Variants in ITM2A observed in about 807,000 individuals in gnomAD.
ITM2A encodes the protein integral membrane protein 2A, also known as BRICHOS domain containing 2A.
A neutral mutation model predicts 16.6 loss-of-function variants in ITM2A; 11 were observed. The observed-to-expected ratio is 0.66, with a 90% confidence interval of 0.42 to 1.10. The LOEUF (loss-of-function observed/expected upper bound fraction) is 1.10, where lower values mean the gene tolerates loss of function less well. Among genes scored for constraint, ITM2A ranks in the 50% least tolerant of loss-of-function variants. The pLI is 0.00. For synonymous variants in ITM2A, 102 were observed against 71.2 expected (o/e 1.43, Z -2.18); for missense variants, 243 against 206.8 (o/e 1.17, Z -1.07).
Position 79,367,194 on chromosome X carries a change from T to C in ITM2A, c.22A>G (p.Thr8Ala). 8.3e-7 allele frequency: 1 copy of C among 1,203,860 alleles called. No homozygotes were observed. The highest frequency in any genetic ancestry group is 1.8e-5 in the South Asian group (1 of 56,173). The stretch of plus-strand genomic sequence containing the variant: ...TCCTCCTTTTGCACGGCGGTAGGGG[T>C]ATTGAAGGCGATTTTCACCATAGTG... MVKIAFN[T>A]PTAVQKEEAR... The change falls in exon 1 of 6, where the codon ACC (threonine) becomes GCC (alanine). Residue 8 changes from threonine (T) to alanine (A), a missense_variant. By Grantham distance (58) the Thr-to-Ala change is moderately conservative (BLOSUM62 0). Coordinates refer to ENST00000373298, the MANE Select transcript of ITM2A (RefSeq NM_004867.5).
intron 4 of ITM2A, among the ~76,000 whole-genome samples, chrX:79,362,228 T>C (rs990301585): frequency 1.8e-5 from 2 of 111,227 alleles, no homozygotes; most frequent in African/African-American, 6.6e-5. Context: ...CCACTCTGAC[T>C]GGTGTGAGAT....
Position 79,367,283 on chromosome X carries a change from G to T in ITM2A, c.-68C>A. On this transcript the variant is annotated 5_prime_UTR_variant, in exon 1 of 6. Transcript: ENST00000373298. ...CGTCCTGGGCTGCAGACTGCAAGAG[G>T]AGATCCTGTTAGCCCAAACAGCACT... The T allele has an allele frequency of 1.4e-6, 1 of 721,364 alleles. No homozygotes were observed. 59.4% of individuals were successfully genotyped at this position (721,364 alleles called of 1,213,427 possible). A position where few individuals can be genotyped will look rare whatever the true frequency, so the allele number is the denominator to read the frequency against.
At chrX:79,366,248 T>G (rs1369153777) in intron 1 of ITM2A, among the ~76,000 whole-genome samples, 1 of 111,601 alleles carries the variant, frequency 9.0e-6, no homozygotes, top group Non-Finnish European at 1.9e-5. Flanking sequence ...TCAAAGCTAG[T>G]AGTTTAAATT....
At position 79,360,946 on chromosome X, in the gene ITM2A, G is replaced by GT. The variant is rs60175547; in HGVS notation, c.*142dup. ...TGACAAGAGCTTGCAGTGGTTAGTA[G>GT]TTTTTTTTTTTCCTTTTTTTAAAGC... is the stretch of plus-strand genomic sequence containing the variant. On this transcript the variant is annotated 3_prime_UTR_variant, in exon 6 of 6. Coordinates refer to ENST00000373298, the MANE Select transcript of ITM2A (RefSeq NM_004867.5). The GT allele has an allele frequency of 0.48, 117,935 of 243,669 alleles. 17,711 individuals are homozygous for GT. The highest frequency in any genetic ancestry group is 0.58 in the Non-Finnish European group (79,393 of 137,996). 20.1% of individuals were successfully genotyped at this position (243,669 alleles called of 1,213,427 possible). A position where few individuals can be genotyped will look rare whatever the true frequency, so the allele number is the denominator to read the frequency against.
Position 79,360,960 on chromosome X carries a change from T to C in ITM2A, c.*129A>G, listed in dbSNP as rs78209439. 1.3e-5 allele frequency: 4 copies of C among 310,812 alleles called. No homozygotes were observed. The highest frequency in any genetic ancestry group is 5.9e-5 in the African/African-American group (2 of 33,875). The allele number at this position is 310,812 out of a possible 1,213,427, so 25.6% of individuals were successfully genotyped here. A position where few individuals can be genotyped will look rare whatever the true frequency, so the allele number is the denominator to read the frequency against. On this transcript the variant is annotated 3_prime_UTR_variant, in exon 6 of 6. Transcript: ENST00000373298. Reference sequence around the variant, plus strand: ...AGTGGTTAGTAGTTTTTTTTTTTCCTTTTTTTAAAGCATAAGCAATAGAGT... The same window carrying C: ...AGTGGTTAGTAGTTTTTTTTTTTCCCTTTTTTAAAGCATAAGCAATAGAGT...
intron 4 of ITM2A, 72 bp from the exon 5 acceptor site, chrX:79,361,551 G>C (rs1171754824): frequency 1.1e-6 from 1 of 914,929 alleles, no homozygotes; most frequent in Admixed American, 2.7e-5. Context: ...AGGAGTAAAA[G>C]TGCAAGTTTG....
chrX:79,362,838 A>G, intron 3 of ITM2A, 104 bp downstream of exon 3: 1 of 727,153 alleles, frequency 1.4e-6, no homozygotes, highest in Non-Finnish European at 2.1e-6. Context: ...CTTTGCCTCA[A>G]AAACATGTGC....
intron 4 of ITM2A, among the ~76,000 whole-genome samples, 176 bp downstream of exon 4, chrX:79,362,405 G>A (rs1925449064): frequency 9.0e-6 from 1 of 111,675 alleles, no homozygotes; most frequent in Non-Finnish European, 1.9e-5. Context: ...ACCAGATAAT[G>A]ACTGTAAAAA....
At chrX:79,366,259 AC>A (rs1359845451) in intron 1 of ITM2A, among the ~76,000 whole-genome samples, 3 of 111,770 alleles carry the variant, frequency 2.7e-5, no homozygotes, top group African/African-American at 9.8e-5. Context: ...AGTTTAAATT[AC>A]AACACTGGAC....
rs1473468280 is a variant in ITM2A, at chrX:79,361,483, A to G, written c.553-4T>C. 8.4e-7 allele frequency: 1 copy of G among 1,192,211 alleles called. No homozygotes were observed. The highest frequency in any genetic ancestry group is 1.8e-5 in the South Asian group (1 of 54,132). ...TTTGAGGCAGATATCTGCCACTCTA[A>G]AAATCAAAAGCAAAGATTGAAATGA... is the stretch of plus-strand genomic sequence containing the variant. On this transcript the variant is annotated splice_polypyrimidine_tract_variant and splice_region_variant and intron_variant, in intron 4 of 5. Coordinates refer to ENST00000373298, the MANE Select transcript of ITM2A (RefSeq NM_004867.5).
intron 1 of ITM2A, among the ~76,000 whole-genome samples, chrX:79,366,010 C>T (rs1925563721): frequency 8.9e-6 from 1 of 112,096 alleles, no homozygotes; most frequent in South Asian, 3.7e-4. Context: ...ACTTTGAACA[C>T]AGAAGTTAAA....
Position 79,361,395 on chromosome X carries a change from T to C in ITM2A, c.637A>G (p.Ile213Val). 1 of 1,208,041 alleles carries C rather than the reference T, an allele frequency of 8.3e-7. No homozygotes were observed. The highest frequency in any genetic ancestry group is 1.1e-6 in the Non-Finnish European group (1 of 892,015). The change falls in exon 5 of 6, where the codon ATC (isoleucine) becomes GTC (valine). Residue 213 changes from isoleucine (I) to valine (V), a missense_variant. Physicochemically the swap from Ile to Val is conservative, Grantham distance 29. Transcript: ENST00000373298. ...TTATTGCAAAGTTGGTAAATAAAGA[T>C]GCCAAGGTTACTAACATCACGAATT... ...EEIRDVSNLG[I>V]FIYQLCNNRK...
chrX:79,367,173 C>T lies in ITM2A; in HGVS notation c.43G>A (p.Glu15Lys). The T allele has an allele frequency of 8.3e-7, 1 of 1,209,611 alleles. No individual in the cohort carries two copies. The highest frequency in any genetic ancestry group is 1.1e-6 in the Non-Finnish European group (1 of 894,393). The stretch of plus-strand genomic sequence containing the variant: ...GCCTCCACGTCTTGCCGCGCCTCCT[C>T]CTTTTGCACGGCGGTAGGGGTATTG... ...AFNTPTAVQK[E>K]EARQDVEALL... Residue 15 changes from glutamate (E) to lysine (K), a missense_variant, in exon 1 of 6, where the codon GAG becomes AAG. Transcript: ENST00000373298.
At chrX:79,366,160 G>A (rs1161560094) in intron 1 of ITM2A, among the ~76,000 whole-genome samples, 1 of 111,178 alleles carries the variant, frequency 9.0e-6, no homozygotes. Flanking sequence ...TGAAAACATA[G>A]TAGGTGTTTA....
At chrX:79,366,964 A>G in intron 1 of ITM2A, 141 bp downstream of exon 1, 1 of 445,690 alleles carries the variant, frequency 2.2e-6, no homozygotes, top group Non-Finnish European at 3.8e-6. Flanking sequence ...GCAAGGAGAC[A>G]GAACCGAGGC....
intron 3 of ITM2A, 40 bp downstream of exon 3, chrX:79,362,901 GA>G (rs761514646): frequency 2.1e-5 from 22 of 1,025,705 alleles, no homozygotes; most frequent in South Asian, 8.0e-5. Context: ...GAGAGAGAGA[GA>G]AAAAAAATCC....
intron 4 of ITM2A, 74 bp from the exon 5 acceptor site, chrX:79,361,553 G>C: frequency 2.2e-6 from 2 of 918,889 alleles, no homozygotes; most frequent in Non-Finnish European, 3.1e-6. Flanking sequence ...GAGTAAAAGT[G>C]CAAGTTTGTT....
At chrX:79,365,993 T>C (rs1289117321) in intron 1 of ITM2A, among the ~76,000 whole-genome samples, 2 of 112,350 alleles carry the variant, frequency 1.8e-5, no homozygotes, top group African/African-American at 6.5e-5. Context: ...GGACTTTTTA[T>C]ATCTCCACTT....
At chrX:79,364,811 A>G (rs1243508466) in intron 1 of ITM2A, among the ~76,000 whole-genome samples, 2 of 111,400 alleles carry the variant, frequency 1.8e-5, no homozygotes, top group Non-Finnish European at 3.8e-5. Context: ...TTCCAAAAAT[A>G]TTTTTCTTTG....
Sources: gnomAD v4.1 joint callset for allele counts (sites outside exome capture counted in the v4.1 genomes callset) on GRCh38, gnomAD v4.1.1 for gene constraint, MANE v1.5 for transcripts, NCBI Gene and HGNC (gene_info 2026-07-23, HGNC 2026-07-21) for gene names.